Variants in ATP2B4 observed in about 807,000 individuals in gnomAD.
ATP2B4 encodes the protein ATPase plasma membrane Ca2+ transporting 4.
Under a neutral mutation model 110.3 loss-of-function variants are expected in ATP2B4, and 39 were observed. The observed-to-expected ratio is 0.35, with a 90% CI of 0.27 to 0.46. ATP2B4 has a LOEUF of 0.46. Ranked by LOEUF, ATP2B4 falls within the 20% of genes least tolerant of loss-of-function variation. The probability of loss-of-function intolerance (pLI) is 1.00; values close to 1 mark genes in which losing one functional copy is unlikely to be tolerated. For missense variants in ATP2B4, 1,135 were observed against 1,530.9 expected (o/e 0.74, Z 4.32); for synonymous variants, 538 against 571.7 (o/e 0.94, Z 0.84).
intron 1 of ATP2B4, among the ~76,000 whole-genome samples, chr1:203,639,731 C>T (rs1041994789): frequency 5.3e-5 from 8 of 152,314 alleles, no homozygotes; most frequent in East Asian, 1.9e-4. Context: ...TTCAGCCGCT[C>T]GGTTGGCCTC....
chr1:203,708,094 C>T lies in ATP2B4; in HGVS notation c.1547C>T (p.Ser516Phe). The T allele has an allele frequency of 1.2e-6, 2 of 1,614,150 alleles. No homozygotes were observed. Among genetic ancestry groups the T allele is most frequent in the Non-Finnish European group, 1.7e-6 (2 of 1,180,004 alleles). The change falls in exon 10 of 21, where the codon TCC (serine) becomes TTC (phenylalanine). Residue 516 changes from serine (S) to phenylalanine (F), a missense_variant. Coordinates refer to ENST00000357681, the MANE Select transcript of ATP2B4 (RefSeq NM_001684.5). ...ATTTCTATCAACAGTGCTTATACCT[C>T]CAAGATTCTGGTAAGCATTTCCTTT... is the stretch of plus-strand genomic sequence containing the variant. Reference protein sequence around the residue: ...NGISINSAYTSKILPPEKEGG... With the variant: ...NGISINSAYTFKILPPEKEGG...
intron 1 of ATP2B4, among the ~76,000 whole-genome samples, chr1:203,679,180 C>A (rs1664921089): frequency 6.6e-6 from 1 of 152,024 alleles, no homozygotes; most frequent in East Asian, 1.9e-4. Flanking sequence ...GGTGTCTGAG[C>A]AGTTCATTTG....
intron 1 of ATP2B4, among the ~76,000 whole-genome samples, chr1:203,670,629 C>T (rs771341396): frequency 1.3e-5 from 2 of 152,218 alleles, no homozygotes; most frequent in African/African-American, 2.4e-5. Context: ...TCTCCCTTCC[C>T]ACCCTATAGG....
rs192616952 is a variant in ATP2B4 at position 203,713,381 on chromosome 1, T to C, written c.2299+129T>C. 3.4e-6 allele frequency: 3 copies of C among 873,716 alleles called. No homozygotes were observed. In the East Asian group the frequency reaches 7.5e-5, roughly 22 times the overall value. 54.1% of individuals were successfully genotyped at this position (873,716 alleles called of 1,614,324 possible). On this transcript the variant is annotated intron_variant, in intron 14 of 20. Transcript: ENST00000357681. ...GGTCCTAGGAGAGCTCCCAGGCTAG[T>C]GGGGAGAACATACAGTTAGCAAACA...
At chr1:203,720,814 T>G (rs1180718560) in intron 16 of ATP2B4, 74 bp downstream of exon 16, 2 of 1,487,810 alleles carry the variant, frequency 1.3e-6, no homozygotes, top group East Asian at 4.6e-5. Flanking sequence ...AAGACTACGG[T>G]GTGTTTACTG....
intron 1 of ATP2B4, among the ~76,000 whole-genome samples, chr1:203,665,986 G>A (rs924079397): frequency 6.6e-6 from 1 of 152,184 alleles, no homozygotes; most frequent in Non-Finnish European, 1.5e-5. Context: ...AAAAGACCAG[G>A]AACTTACTGG....
rs138751599 is a variant in ATP2B4, at chr1:203,677,046, T to C, written c.-464-5696T>C. ...TTACATTTTTTTTATATCATTGTTCTTGCACTTGAGGCAAGTTGGCTTTGA... is the reference window on the plus strand; with the variant it reads ...TTACATTTTTTTTATATCATTGTTCCTGCACTTGAGGCAAGTTGGCTTTGA... On this transcript the variant is annotated intron_variant, in intron 1 of 20. Coordinates refer to ENST00000357681, the MANE Select transcript of ATP2B4 (RefSeq NM_001684.5). Among the ~76,000 whole-genome samples, 412 of 152,278 alleles carry C rather than the reference T, an allele frequency of 2.7e-3. 2 individuals are homozygous for C. Among genetic ancestry groups the C allele is most frequent in the African/African-American group, 9.0e-3 (374 of 41,566 alleles).
intron 1 of ATP2B4, among the ~76,000 whole-genome samples, chr1:203,628,599 G>A: frequency 6.6e-6 from 1 of 152,166 alleles, no homozygotes; most frequent in East Asian, 1.9e-4. Context: ...TCTGTGTGAG[G>A]AGTCTGGCAG....
rs563040691 is a variant in ATP2B4, at chr1:203,730,095, C to A, written c.3309+2524C>A. Among the ~76,000 whole-genome samples the A allele has an allele frequency of 2.0e-5, 3 of 152,136 alleles. No individual in the cohort carries two copies. The South Asian group carries it at 6.2e-4, about 32-fold the overall frequency. On this transcript the variant is annotated intron_variant, in intron 20 of 20. Coordinates refer to ENST00000357681, the MANE Select transcript of ATP2B4 (RefSeq NM_001684.5). ...GACCAAGGAGGATGCTGAGGAGAAA[C>A]AATAAATCGTCTTATTTTATTTCCT...
intron 6 of ATP2B4, 31 bp from the exon 7 acceptor site, chr1:203,702,013 G>T (rs369976577): frequency 3.1e-6 from 5 of 1,613,458 alleles, no homozygotes; most frequent in Non-Finnish European, 4.2e-6. Context: ...TTTGGGTTTC[G>T]ACCCCACTTT....
chr1:203,713,355 A>G, intron 14 of ATP2B4, 103 bp downstream of exon 14: 1 of 1,269,678 alleles, frequency 7.9e-7, no homozygotes, highest in Non-Finnish European at 1.1e-6. Flanking sequence ...CCAAATAGGG[A>G]GGTCCTAGGA....
At chr1:203,700,618 T>TTA (rs1191563550) in intron 5 of ATP2B4, among the ~76,000 whole-genome samples, 180 bp from the exon 6 acceptor site, 3 of 152,230 alleles carry the variant, frequency 2.0e-5, no homozygotes, top group African/African-American at 7.2e-5. Flanking sequence ...TCCTCCTTAC[T>TTA]CCCAATTTGT....
At chr1:203,644,151 G>A (rs1663718535) in intron 1 of ATP2B4, among the ~76,000 whole-genome samples, 1 of 151,606 alleles carries the variant, frequency 6.6e-6, no homozygotes. Context: ...TCAGGAGACT[G>A]AGGCAGGAGA....
At chr1:203,691,564 G>A (rs567395338) in intron 2 of ATP2B4, among the ~76,000 whole-genome samples, 18 of 152,278 alleles carry the variant, frequency 1.2e-4, no homozygotes, top group African/African-American at 3.4e-4. Context: ...CTGAGGAAGC[G>A]GCCCACCTTG....
At chr1:203,717,347 T>C (rs2102208020) in intron 15 of ATP2B4, among the ~76,000 whole-genome samples, 1 of 152,300 alleles carries the variant, frequency 6.6e-6, no homozygotes, top group East Asian at 1.9e-4. Context: ...AGGTGACCAA[T>C]GAGTGGATTT....
intron 15 of ATP2B4, among the ~76,000 whole-genome samples, chr1:203,714,681 C>T (rs564459327): frequency 5.3e-5 from 8 of 152,276 alleles, no homozygotes; most frequent in African/African-American, 1.7e-4. Context: ...CATGTGAAAT[C>T]ACATGTTCCA....
intron 16 of ATP2B4, 37 bp from the exon 17 acceptor site, chr1:203,721,160 G>A (rs755515074): frequency 8.7e-6 from 14 of 1,607,642 alleles, no homozygotes; most frequent in Admixed American, 1.7e-5. Flanking sequence ...GCTGGTTTCA[G>A]AGAAAAGCTA....
chr1:203,678,556 ATCAT>A (rs1664899587), intron 1 of ATP2B4, among the ~76,000 whole-genome samples: 2 of 152,074 alleles, frequency 1.3e-5, no homozygotes, highest in South Asian at 4.2e-4. Context: ...GGTGTGCGCC[ATCAT>A]GCCCAGCTAA....
chr1:203,637,075 C>T lies in ATP2B4; in HGVS notation c.-465+9856C>T, dbSNP rs896625359. Among the ~76,000 whole-genome samples, 5 of 152,272 alleles carry T rather than the reference C, an allele frequency of 3.3e-5. 1 individual carries two copies. Among genetic ancestry groups the T allele is most frequent in the East Asian group, 3.9e-4 (2 of 5,190 alleles). On this transcript the variant is annotated intron_variant, in intron 1 of 20. Transcript: ENST00000357681. ...TTAGCTAGAGGTAGAGAAATTCAAACTTTCACAAAGTTTCCTAGGGCACAT... is the reference window on the plus strand; with the variant it reads ...TTAGCTAGAGGTAGAGAAATTCAAATTTTCACAAAGTTTCCTAGGGCACAT...
Sources: gnomAD v4.1 joint callset for allele counts (sites outside exome capture counted in the v4.1 genomes callset) on GRCh38, gnomAD v4.1.1 for gene constraint, MANE v1.5 for transcripts, NCBI Gene and HGNC (gene_info 2026-07-23, HGNC 2026-07-21) for gene names.